The following STK31 variants were observed in gnomAD, a reference collection of about 807,000 sequenced individuals.
STK31 encodes serine/threonine-protein kinase 31.
STK31 carries 89 observed loss-of-function variants against 129.7 expected under a neutral mutation model. The observed-to-expected ratio is 0.69, with a 90% CI of 0.58 to 0.82. The LOEUF is 0.82. Ranked by LOEUF, STK31 falls within the 40% of genes least tolerant of loss-of-function variation. The pLI, the probability that STK31 is intolerant of heterozygous loss-of-function variation, is 0.00. For synonymous variants in STK31, 448 were observed against 395.3 expected, an observed-to-expected ratio of 1.13 and a Z score of -1.58; for missense variants, 1,187 against 1,176.4, an observed-to-expected ratio of 1.01 and a Z score of -0.13.
chr7:23,795,674 A>T (rs550069770), intron 22 of STK31, among the ~76,000 whole-genome samples: 35 of 152,322 alleles, frequency 2.3e-4, no homozygotes, highest in African/African-American at 8.4e-4. Context: ...GTAGCCTGCA[A>T]AGCCACTGGG....
At chr7:23,826,713 G>T (rs1794174901) in intron 23 of STK31, among the ~76,000 whole-genome samples, 1 of 152,094 alleles carries the variant, frequency 6.6e-6, no homozygotes. Context: ...TTACAATTTG[G>T]CATGTTTTTG....
intron 5 of STK31, among the ~76,000 whole-genome samples, chr7:23,727,838 G>T (rs1048019631): frequency 1.4e-4 from 21 of 151,868 alleles, no homozygotes; most frequent in African/African-American, 5.1e-4. Flanking sequence ...GGGATTACAG[G>T]AGTGAGCCAC....
Position 23,821,475 on chromosome 7 carries a change from G to A in STK31, c.2829+6263G>A, listed in dbSNP as rs139548252. 3.9e-4 allele frequency among the ~76,000 whole-genome samples: 60 copies of A among 152,218 alleles called. No homozygotes were observed. In the East Asian group the frequency reaches 0.011, roughly 28 times the overall value. Reference sequence around the variant, plus strand: ...ATTTGTATGCCTTCTTTTGAGAAATGTCTATTTATGTCCTTTGCCCACTTT... The same window carrying A: ...ATTTGTATGCCTTCTTTTGAGAAATATCTATTTATGTCCTTTGCCCACTTT... On this transcript the variant is annotated intron_variant, in intron 23 of 23. Coordinates refer to ENST00000355870, the MANE Select transcript of STK31 (RefSeq NM_031414.5).
At chr7:23,826,766 C>T (rs563377138) in intron 23 of STK31, among the ~76,000 whole-genome samples, 12 of 152,182 alleles carry the variant, frequency 7.9e-5, no homozygotes, top group East Asian at 1.9e-4. Flanking sequence ...GCTTCCTTCA[C>T]GAGCTCTTTT....
chr7:23,732,804 A>G (rs528482292), intron 6 of STK31, among the ~76,000 whole-genome samples: 1 of 152,328 alleles, frequency 6.6e-6, no homozygotes, highest in South Asian at 2.1e-4. Context: ...TATACCAGCA[A>G]TAATTTTCAA....
intron 6 of STK31, among the ~76,000 whole-genome samples, chr7:23,735,243 TC>T (rs1787649723): frequency 6.6e-6 from 1 of 152,180 alleles, no homozygotes; most frequent in Non-Finnish European, 1.5e-5. Context: ...GCCAAAGTAA[TC>T]AATGTAATCT....
intron 5 of STK31, 97 bp downstream of exon 5, chr7:23,727,412 G>C: frequency 3.1e-6 from 3 of 966,284 alleles, no homozygotes; most frequent in African/African-American, 1.6e-5. Context: ...CTTATTCGTA[G>C]TACTGATACC....
chr7:23,798,180 A>T (rs1792119105), intron 22 of STK31, among the ~76,000 whole-genome samples: 1 of 152,228 alleles, frequency 6.6e-6, no homozygotes, highest in African/African-American at 2.4e-5. Flanking sequence ...TACAAAGAGG[A>T]GCTAGTACCA....
At chr7:23,785,686 C>A (rs1199375287) in intron 18 of STK31, 83 bp downstream of exon 18, 1 of 1,499,858 alleles carries the variant, frequency 6.7e-7, no homozygotes, top group South Asian at 1.3e-5. Flanking sequence ...AAGAAAAAAC[C>A]TCACTGTTAG....
At chr7:23,737,866 T>A (rs954351681) in intron 8 of STK31, among the ~76,000 whole-genome samples, 7 of 33,036 alleles carry the variant, frequency 2.1e-4, no homozygotes, top group Non-Finnish European at 5.6e-4. Flanking sequence ...GATAAGTGTG[T>A]GTGTGTGTGT....
rs989939254 is a variant in STK31, at chr7:23,832,458, G to A, written c.*92G>A. 6.6e-6 allele frequency: 6 copies of A among 904,144 alleles called. No homozygotes were observed. In the African/African-American group the frequency reaches 1.0e-4, roughly 15 times the overall value. The allele number at this position is 904,144 out of a possible 1,614,324, so 56.0% of individuals were successfully genotyped here. A position where few individuals can be genotyped will look rare whatever the true frequency, so the allele number is the denominator to read the frequency against. On this transcript the variant is annotated 3_prime_UTR_variant, in exon 24 of 24. Coordinates refer to ENST00000355870, the MANE Select transcript of STK31 (RefSeq NM_031414.5). The stretch of plus-strand genomic sequence containing the variant: ...CTAGAAATGTTCTGGGACTAGTTGA[G>A]TTGTATCTTTAGTATTCAGGTTGTG...
chr7:23,769,881 C>T, intron 13 of STK31, 125 bp downstream of exon 13: 2 of 544,406 alleles, frequency 3.7e-6, no homozygotes, highest in Non-Finnish European at 6.4e-6. Context: ...CTGATCTTAG[C>T]TTTCTTCTAA....
chr7:23,796,644 A>C (rs1057343282), intron 22 of STK31, among the ~76,000 whole-genome samples: 2 of 152,186 alleles, frequency 1.3e-5, no homozygotes, highest in Non-Finnish European at 2.9e-5. Flanking sequence ...CATAACCCTG[A>C]AAATTCCTGT....
chr7:23,786,907 A>C lies in STK31; in HGVS notation c.2470A>C (p.Met824Leu), dbSNP rs1298559522. The change falls in exon 20 of 24, where the codon ATG (methionine) becomes CTG (leucine). Residue 824 changes from methionine to leucine, a missense_variant. Coordinates refer to ENST00000355870, the MANE Select transcript of STK31 (RefSeq NM_031414.5). ...RANLNAVQANMPLNSEETLKV... is the reference protein window; with the variant it reads ...RANLNAVQANLPLNSEETLKV... Reference sequence around the variant, plus strand: ...AAACCTGAATGCTGTTCAAGCCAACATGCCTTTAAATTCAGAAGTAAGTAA... The same window carrying C: ...AAACCTGAATGCTGTTCAAGCCAACCTGCCTTTAAATTCAGAAGTAAGTAA... The C allele has an allele frequency of 6.2e-7, 1 of 1,613,862 alleles. No homozygotes were observed. Among genetic ancestry groups the C allele is most frequent in the Non-Finnish European group, 8.5e-7 (1 of 1,179,840 alleles).
At chr7:23,787,610 T>G (rs537959739) in intron 20 of STK31, among the ~76,000 whole-genome samples, 2 of 152,236 alleles carry the variant, frequency 1.3e-5, no homozygotes, top group East Asian at 3.9e-4. Flanking sequence ...GGATCTAGGT[T>G]GCGCACTCCT....
chr7:23,828,783 T>C (rs2128133810), intron 23 of STK31, among the ~76,000 whole-genome samples: 1 of 152,354 alleles, frequency 6.6e-6, no homozygotes, highest in African/African-American at 2.4e-5. Context: ...TTATTTTTCT[T>C]GCCTGATTGT....
chr7:23,781,391 A>G (rs781683789), intron 15 of STK31, 28 bp from the exon 16 acceptor site: 2 of 1,551,698 alleles, frequency 1.3e-6, no homozygotes, highest in East Asian at 2.3e-5. Flanking sequence ...CTATGTTAAT[A>G]AAAAACACTT....
At chr7:23,772,405 A>T in intron 15 of STK31, 127 bp downstream of exon 15, 19 of 961,500 alleles carry the variant, frequency 2.0e-5, no homozygotes, top group Non-Finnish European at 2.7e-5. Context: ...ATTTTGTTTT[A>T]TATACTTTAT....
chr7:23,769,145 C>T lies in STK31; in HGVS notation c.1567C>T (p.Leu523Phe). The change falls in exon 12 of 24, where the codon CTT becomes TTT. Residue 523 changes from leucine to phenylalanine, a missense_variant. Transcript: ENST00000355870. ...TGAAACAGACGCTTCTCTGCACCGT[C>T]TTGTAGCATGGTTCCAAAGAACCTT... ...RSETDASLHR[L>F]VAWFQRTLKV... 1 of 1,602,664 alleles carries T rather than the reference C, an allele frequency of 6.2e-7. No homozygotes were observed. The highest frequency in any genetic ancestry group is 8.5e-7 in the Non-Finnish European group (1 of 1,176,222).
Sources: allele counts gnomAD v4.1 joint callset (sites outside exome capture counted in the v4.1 genomes callset), GRCh38; gene constraint gnomAD v4.1.1; transcripts MANE v1.5; gene names NCBI Gene and HGNC (gene_info 2026-07-23, HGNC 2026-07-21).